The following CEP43 variants were observed in gnomAD, a reference collection of about 807,000 sequenced individuals.
The protein encoded by CEP43 is FGFR1 oncogene partner.
A neutral mutation model predicts 52.6 loss-of-function variants in CEP43; 36 were observed. That is an observed-to-expected ratio of 0.68 (90% CI 0.52 to 0.90). The LOEUF is 0.90. CEP43 is among the 40% of genes least tolerant of loss of function. The pLI is 0.00. For missense variants in CEP43, 506 were observed against 472.8 expected, an observed-to-expected ratio of 1.07 and a Z score of -0.65; for synonymous variants, 192 against 172.4, an observed-to-expected ratio of 1.11 and a Z score of -0.89.
intron 5 of CEP43, among the ~76,000 whole-genome samples, chr6:167,005,585 A>G (rs1779833069): frequency 6.6e-6 from 1 of 152,224 alleles, no homozygotes; most frequent in African/African-American, 2.4e-5. Flanking sequence ...GCCAGATCCC[A>G]GGCTGGCTGG....
intron 6 of CEP43, 117 bp downstream of exon 6, chr6:167,011,010 C>T: frequency 4.2e-6 from 2 of 480,396 alleles, no homozygotes; most frequent in Non-Finnish European, 7.1e-6. Flanking sequence ...CACATGGGCT[C>T]TTTAGTTTCT....
intron 6 of CEP43, 107 bp from the exon 7 acceptor site, chr6:167,013,401 C>G (rs1780026078): frequency 2.3e-6 from 2 of 853,692 alleles, no homozygotes; most frequent in Non-Finnish European, 1.9e-6. Flanking sequence ...ACTAGATGTT[C>G]CACTTCTGAG....
intron 2 of CEP43, 125 bp from the exon 3 acceptor site, chr6:167,003,068 G>A: frequency 4.0e-6 from 2 of 500,706 alleles, no homozygotes; most frequent in Non-Finnish European, 7.0e-6. Context: ...AAGTCCTGTA[G>A]TAATTAACAG....
chr6:167,029,686 C>T (rs1014269677), intron 10 of CEP43, among the ~76,000 whole-genome samples: 1 of 152,192 alleles, frequency 6.6e-6, no homozygotes, highest in African/African-American at 2.4e-5. Flanking sequence ...CAGTAAATAT[C>T]TTTGTCTCAT....
At chr6:167,014,122 T>TA (rs1390813940) in intron 7 of CEP43, among the ~76,000 whole-genome samples, 1 of 152,244 alleles carries the variant, frequency 6.6e-6, no homozygotes, top group Non-Finnish European at 1.5e-5. Flanking sequence ...GAGTTGAAAA[T>TA]ACGTATTTTT....
rs1365395284 is a variant in CEP43, at chr6:167,046,536, A to G, written c.*6558A>G. On this transcript the variant is annotated 3_prime_UTR_variant, in exon 13 of 13. Coordinates refer to ENST00000366847, the MANE Select transcript of CEP43 (RefSeq NM_007045.4). ...AATTTCTTAGCCTAATTTCTAAATT[A>G]GAACTGCTTATGCAAATTAACACTC... 6.6e-6 allele frequency: 1 copy of G among 152,268 alleles called. No homozygotes were observed. The highest frequency in any genetic ancestry group is 2.4e-5 in the African/African-American group (1 of 41,476). 9.4% of individuals were successfully genotyped at this position (152,268 alleles called of 1,614,324 possible).
At chr6:167,001,193 G>A (rs239932) in intron 2 of CEP43, among the ~76,000 whole-genome samples, 134,429 of 152,190 alleles carry the variant, frequency 0.88, 59,490 homozygotes, top group East Asian at 1. Flanking sequence ...CTGTGTCTAT[G>A]TTTATCTGTA....
chr6:167,005,950 C>T (rs1284252033), intron 5 of CEP43, among the ~76,000 whole-genome samples: 1 of 152,170 alleles, frequency 6.6e-6, no homozygotes, highest in East Asian at 1.9e-4. Flanking sequence ...ATCTTTCTTC[C>T]TTAACATACC....
chr6:167,004,465 G>C lies in CEP43; in HGVS notation c.438+64G>C. 2.8e-6 allele frequency: 4 copies of C among 1,408,828 alleles called. No homozygotes were observed. In the East Asian group the frequency reaches 9.5e-5, roughly 33 times the overall value. The allele number at this position is 1,408,828 out of a possible 1,614,324, so 87.3% of individuals were successfully genotyped here. On this transcript the variant is annotated intron_variant, in intron 5 of 12. Transcript: ENST00000366847. ...ATTGGCTGCTTAGTTTAGCCATGCA[G>C]ATTAGTGCATATATAGTAAATTAAG... is the stretch of plus-strand genomic sequence containing the variant.
At chr6:167,026,051 A>G (rs1361361452) in intron 9 of CEP43, among the ~76,000 whole-genome samples, 1 of 152,244 alleles carries the variant, frequency 6.6e-6, no homozygotes, top group Non-Finnish European at 1.5e-5. Flanking sequence ...GTTCCAATAA[A>G]GTAGTATTGT....
rs750737374 is a variant in CEP43, at chr6:167,003,173, A to C, written c.157-20A>C. The C allele has an allele frequency of 4.2e-6, 5 of 1,177,210 alleles. No individual in the cohort carries two copies. The African/African-American group carries it at 6.3e-5, about 15-fold the overall frequency. The allele number at this position is 1,177,210 out of a possible 1,614,324, so 72.9% of individuals were successfully genotyped here. On this transcript the variant is annotated intron_variant, in intron 2 of 12. Transcript: ENST00000366847. ...TTTTAGGGTAAACACATGACACTTA[A>C]ATTTTTTTTTTTTTAACAGAACAAA...
Position 167,045,392 on chromosome 6 carries a change from G to A in CEP43, c.*5414G>A, listed in dbSNP as rs1272551034. Reference sequence around the variant, plus strand: ...CGCGGCCCAGCCTCCCAAAGTGCTGGGATTACAGGCATGAGCCACTGTACC... The same window carrying A: ...CGCGGCCCAGCCTCCCAAAGTGCTGAGATTACAGGCATGAGCCACTGTACC... On this transcript the variant is annotated 3_prime_UTR_variant, in exon 13 of 13. Transcript: ENST00000366847. 1 of 150,564 alleles carries A rather than the reference G, an allele frequency of 6.6e-6. No individual in the cohort carries two copies. The highest frequency in any genetic ancestry group is 2.1e-4 in the South Asian group (1 of 4,722). The allele number at this position is 150,564 out of a possible 1,614,324, so 9.3% of individuals were successfully genotyped here.
Position 167,015,667 on chromosome 6 carries a change from G to A in CEP43, c.579+2100G>A, listed in dbSNP as rs576297163. Among the ~76,000 whole-genome samples, 16 of 152,250 alleles carry A rather than the reference G, an allele frequency of 1.1e-4. No individual in the cohort carries two copies. In the East Asian group the frequency reaches 2.7e-3, roughly 26 times the overall value. On this transcript the variant is annotated intron_variant, in intron 7 of 12. Coordinates refer to ENST00000366847, the MANE Select transcript of CEP43 (RefSeq NM_007045.4). ...CTGATCAGGAGTGTCGCATGTGTCCGGTTGCTTTCGAATGCAGGAGGCGAC... is the reference window on the plus strand; with the variant it reads ...CTGATCAGGAGTGTCGCATGTGTCCAGTTGCTTTCGAATGCAGGAGGCGAC...
intron 9 of CEP43, among the ~76,000 whole-genome samples, chr6:167,026,259 A>T (rs1780353266): frequency 6.6e-6 from 1 of 152,206 alleles, no homozygotes; most frequent in African/African-American, 2.4e-5. Context: ...GCTACTCGGG[A>T]GGCTGAGGCG....
intron 7 of CEP43, among the ~76,000 whole-genome samples, chr6:167,015,723 G>T (rs577180921): frequency 2.6e-5 from 4 of 152,210 alleles, no homozygotes; most frequent in African/African-American, 9.6e-5. Flanking sequence ...GAGACCCTTG[G>T]CACTTTCTTC....
At chr6:167,034,430 A>G (rs1465055871) in intron 12 of CEP43, among the ~76,000 whole-genome samples, 3 of 152,240 alleles carry the variant, frequency 2.0e-5, no homozygotes, top group East Asian at 1.9e-4. Context: ...ACAGTAGGCC[A>G]TAAAGTTAGA....
At chr6:167,024,304 CTG>C (rs1241582488) in intron 8 of CEP43, among the ~76,000 whole-genome samples, 3 of 152,132 alleles carry the variant, frequency 2.0e-5, no homozygotes, top group African/African-American at 7.2e-5. Flanking sequence ...CGAGAAGGCA[CTG>C]TGGAAACCCG....
At position 167,043,251 on chromosome 6, in the gene CEP43, C is replaced by G. The variant is rs1188648614; in HGVS notation, c.*3273C>G. 2.0e-5 allele frequency: 3 copies of G among 152,718 alleles called. No individual in the cohort carries two copies. The allele number at this position is 152,718 out of a possible 1,614,324, so 9.5% of individuals were successfully genotyped here. Reference sequence around the variant, plus strand: ...AGCTCTTCCTGGAGAAAAACACACCCAGCCCAAGTTGGAGCCCTCCTGTGG... The same window carrying G: ...AGCTCTTCCTGGAGAAAAACACACCGAGCCCAAGTTGGAGCCCTCCTGTGG... On this transcript the variant is annotated 3_prime_UTR_variant, in exon 13 of 13. Transcript: ENST00000366847.
rs1780790815 is a variant in CEP43, at chr6:167,046,011, GCTGCGGGCATTGCTCCA to G, written c.*6035_*6051del. ...TAGCAGCTCTCATGGGTTCATCCCT[GCTGCGGGCATTGCTCCA>G]CCAAGGGGCAGTGCTCTCCCTGCCG... On this transcript the variant is annotated 3_prime_UTR_variant, in exon 13 of 13. Coordinates refer to ENST00000366847, the MANE Select transcript of CEP43 (RefSeq NM_007045.4). The G allele has an allele frequency of 6.6e-6, 1 of 152,176 alleles. No individual in the cohort carries two copies. Among genetic ancestry groups the G allele is most frequent in the African/African-American group, 2.4e-5 (1 of 41,398 alleles). 9.4% of individuals were successfully genotyped at this position (152,176 alleles called of 1,614,324 possible). A position where few individuals can be genotyped will look rare whatever the true frequency, so the allele number is the denominator to read the frequency against.
Sources: gnomAD v4.1 joint callset for allele counts (sites outside exome capture counted in the v4.1 genomes callset) on GRCh38, gnomAD v4.1.1 for gene constraint, MANE v1.5 for transcripts, NCBI Gene and HGNC (gene_info 2026-07-23, HGNC 2026-07-21) for gene names.